Variants in MPZL3 observed in about 807,000 individuals in gnomAD.
MPZL3 encodes myelin protein zero-like protein 3.
MPZL3 carries 23 observed loss-of-function variants against 24.8 expected under a neutral mutation model. That is an observed-to-expected ratio of 0.93 (90% CI 0.67 to 1.31). MPZL3 has a LOEUF of 1.31. Ranked by LOEUF, MPZL3 falls within the 40% of genes most tolerant of loss-of-function variation. The pLI is 0.00. For synonymous variants in MPZL3, 99 were observed against 106.5 expected, an observed-to-expected ratio of 0.93 and a Z score of 0.44; for missense variants, 277 against 294.9, an observed-to-expected ratio of 0.94 and a Z score of 0.44.
rs938480591 is a variant in MPZL3 at position 118,236,991 on chromosome 11, A to G, written c.451+59T>C. On this transcript the variant is annotated intron_variant, in intron 3 of 5. Coordinates refer to ENST00000278949, the MANE Select transcript of MPZL3 (RefSeq NM_198275.3). ...AGCTTTGTTTATCATCGAGCTCTCC[A>G]GAAAGCACCACAGCAGTCACAGAGC... 5 of 1,479,688 alleles carry G rather than the reference A, an allele frequency of 3.4e-6. No homozygotes were observed. The African/African-American group carries it at 4.2e-5, about 12-fold the overall frequency. 91.7% of individuals were successfully genotyped at this position (1,479,688 alleles called of 1,614,324 possible). A position where few individuals can be genotyped will look rare whatever the true frequency, so the allele number is the denominator to read the frequency against.
Position 118,227,954 on chromosome 11 carries a change from C to T in MPZL3, c.*1940G>A, listed in dbSNP as rs1320833019. 1 of 152,190 alleles carries T rather than the reference C, an allele frequency of 6.6e-6. No individual in the cohort carries two copies. Among genetic ancestry groups the T allele is most frequent in the Non-Finnish European group, 1.5e-5 (1 of 68,044 alleles). The allele number at this position is 152,190 out of a possible 1,614,324, so 9.4% of individuals were successfully genotyped here. ...TTACTCTCATTGCTCAAGTTGCTTTCCTCTCTCTGTTGAGGTGTCAGAAAT... is the reference window on the plus strand; with the variant it reads ...TTACTCTCATTGCTCAAGTTGCTTTTCTCTCTCTGTTGAGGTGTCAGAAAT... On this transcript the variant is annotated 3_prime_UTR_variant, in exon 6 of 6. Coordinates refer to ENST00000278949, the MANE Select transcript of MPZL3 (RefSeq NM_198275.3).
In MPZL3 at chr11:118,235,527, C is replaced by A. The variant is rs34507994; in HGVS notation, c.514G>T (p.Val172Leu). The change falls in exon 4 of 6, where the codon GTG (valine) becomes TTG (leucine). Residue 172 changes from valine to leucine, a missense_variant. Val to Leu is a conservative substitution (Grantham distance 32, BLOSUM62 1). Coordinates refer to ENST00000278949, the MANE Select transcript of MPZL3 (RefSeq NM_198275.3). ...CTCACCAGCAGCAGAGCAACCACCA[C>A]GGCTGAGGGCACAAAGACAAGGATG... is the stretch of plus-strand genomic sequence containing the variant. ...LSILVFVPSA[V>L]VVALLLVRMG... 9 of 1,613,798 alleles carry A rather than the reference C, an allele frequency of 5.6e-6. No individual in the cohort carries two copies. In the Admixed American group the frequency reaches 1.2e-4, roughly 21 times the overall value.
At chr11:118,246,474 G>A (rs1396109709) in intron 1 of MPZL3, among the ~76,000 whole-genome samples, 2 of 150,886 alleles carry the variant, frequency 1.3e-5, no homozygotes, top group African/African-American at 2.4e-5. Flanking sequence ...CACAGCCTAT[G>A]AGCTAGGAGG....
chr11:118,249,422 A>T (rs1267652582), intron 1 of MPZL3, among the ~76,000 whole-genome samples: 1 of 152,176 alleles, frequency 6.6e-6, no homozygotes, highest in Non-Finnish European at 1.5e-5. Context: ...AAAAAATACC[A>T]ATCCAACATT....
chr11:118,235,683 C>A, intron 3 of MPZL3, 94 bp from the exon 4 acceptor site: 3 of 1,232,084 alleles, frequency 2.4e-6, no homozygotes, highest in Non-Finnish European at 3.4e-6. Flanking sequence ...TCTTATATTT[C>A]TTCTGATTAC....
At chr11:118,240,891 G>A (rs1949489382) in intron 1 of MPZL3, among the ~76,000 whole-genome samples, 1 of 152,154 alleles carries the variant, frequency 6.6e-6, no homozygotes, top group Non-Finnish European at 1.5e-5. Flanking sequence ...AGAATAGGAA[G>A]TAAGAATGGG....
chr11:118,233,636 C>T (rs1565491671), intron 4 of MPZL3, 113 bp from the exon 5 acceptor site: 1 of 1,051,094 alleles, frequency 9.5e-7, no homozygotes. Context: ...CCAGTTCTTC[C>T]ACTCACTAGC....
chr11:118,243,713 A>T (rs756427774), intron 1 of MPZL3, among the ~76,000 whole-genome samples: 6 of 151,254 alleles, frequency 4.0e-5, no homozygotes, highest in Non-Finnish European at 7.4e-5. Flanking sequence ...CAGAGGTTGC[A>T]GTGAGCTGAG....
chr11:118,230,397 G>A (rs1461167891), intron 5 of MPZL3, among the ~76,000 whole-genome samples: 6 of 152,040 alleles, frequency 3.9e-5, no homozygotes, highest in African/African-American at 1.4e-4. Flanking sequence ...CTGTAAAATG[G>A]GGATAATAAA....
At chr11:118,243,282 A>C (rs987089752) in intron 1 of MPZL3, among the ~76,000 whole-genome samples, 1 of 152,108 alleles carries the variant, frequency 6.6e-6, no homozygotes, top group Non-Finnish European at 1.5e-5. Flanking sequence ...CAAACCCCTC[A>C]TTCTCAGAAG....
chr11:118,233,686 T>C (rs1374067086), intron 4 of MPZL3, among the ~76,000 whole-genome samples, 163 bp from the exon 5 acceptor site: 1 of 152,150 alleles, frequency 6.6e-6, no homozygotes, highest in Non-Finnish European at 1.5e-5. Context: ...AGAAGCCTGT[T>C]TCCTCATCTA....
chr11:118,251,326 T>C (rs906821666), intron 1 of MPZL3, among the ~76,000 whole-genome samples: 7 of 152,072 alleles, frequency 4.6e-5, no homozygotes, highest in Non-Finnish European at 8.8e-5. Flanking sequence ...ATCTGAAGTC[T>C]TTATATTAAA....
intron 1 of MPZL3, among the ~76,000 whole-genome samples, chr11:118,250,086 C>T (rs1361319767): frequency 6.6e-6 from 1 of 151,848 alleles, no homozygotes; most frequent in Non-Finnish European, 1.5e-5. Context: ...ACTGCAACTC[C>T]GACCTCCCAG....
At chr11:118,233,325 GA>G in intron 5 of MPZL3, 134 bp downstream of exon 5, 5 of 948,704 alleles carry the variant, frequency 5.3e-6, no homozygotes, top group Non-Finnish European at 8.2e-6. Context: ...ATGCTTTGGG[GA>G]AAGATGCTGG....
At chr11:118,249,975 T>C (rs1949599811) in intron 1 of MPZL3, among the ~76,000 whole-genome samples, 1 of 147,838 alleles carries the variant, frequency 6.8e-6, no homozygotes, top group Non-Finnish European at 1.5e-5. Context: ...ACATATTGTG[T>C]AATTCCATTT....
chr11:118,238,688 C>T (rs546869478), intron 2 of MPZL3, among the ~76,000 whole-genome samples: 2 of 152,274 alleles, frequency 1.3e-5, no homozygotes, highest in African/African-American at 4.8e-5. Context: ...ATTTATTCAA[C>T]AAATATTTGG....
intron 1 of MPZL3, among the ~76,000 whole-genome samples, chr11:118,248,304 G>A (rs1404987267): frequency 5.9e-5 from 9 of 151,928 alleles, no homozygotes; most frequent in Admixed American, 1.3e-4. Flanking sequence ...GTGAGCCACC[G>A]TGCCCAGCCC....
intron 3 of MPZL3, among the ~76,000 whole-genome samples, chr11:118,236,130 A>T (rs1039789682): frequency 6.6e-6 from 1 of 152,206 alleles, no homozygotes; most frequent in Non-Finnish European, 1.5e-5. Context: ...TGGAATTACT[A>T]GATCAAAGGG....
At position 118,237,121 on chromosome 11, in the gene MPZL3, C is replaced by G. The variant is rs369772698; in HGVS notation, c.380G>C (p.Ser127Thr). Residue 127 changes from serine (S) to threonine (T), a missense_variant, in exon 3 of 6, where the codon AGC becomes ACC. Ser to Thr is a moderately conservative substitution (Grantham distance 58). Transcript: ENST00000278949. ...NPTIKDNGTF[S>T]CAVKNPPDVH... ...ATCTGGGGGATTCTTCACAGCACAG[C>G]TGAATGTCCCATTGTCCTTTATGGT... The G allele has an allele frequency of 6.2e-7, 1 of 1,613,986 alleles. No homozygotes were observed. Among genetic ancestry groups the G allele is most frequent in the Non-Finnish European group, 8.5e-7 (1 of 1,179,994 alleles).
Sources: allele counts gnomAD v4.1 joint callset (sites outside exome capture counted in the v4.1 genomes callset), GRCh38; gene constraint gnomAD v4.1.1; transcripts MANE v1.5; gene names NCBI Gene and HGNC (gene_info 2026-07-23, HGNC 2026-07-21).